Variants in ABTB2 observed in about 807,000 individuals in gnomAD.
ABTB2 encodes the protein ankyrin repeat and BTB domain containing 2.
In ABTB2, 56 loss-of-function variants were observed where a neutral mutation model predicts 104.1. The observed-to-expected ratio is 0.54, with a 90% CI of 0.43 to 0.67. The LOEUF is 0.67. ABTB2 is among the 30% of genes least tolerant of loss of function. The pLI is 0.00. For synonymous variants in ABTB2, 606 were observed against 608.2 expected (o/e 1.00, Z 0.05); for missense variants, 1,279 against 1,407.7 (o/e 0.91, Z 1.46).
intron 1 of ABTB2, among the ~76,000 whole-genome samples, chr11:34,212,716 CTTCTTT>C (rs1853496597): frequency 6.6e-6 from 1 of 152,184 alleles, no homozygotes. Flanking sequence ...CTGTGCTTTC[CTTCTTT>C]TTCTAAGGTC....
intron 2 of ABTB2, among the ~76,000 whole-genome samples, chr11:34,200,689 C>T (rs1853325052): frequency 6.6e-6 from 1 of 152,194 alleles, no homozygotes; most frequent in Non-Finnish European, 1.5e-5. Flanking sequence ...TTTTCAGCCA[C>T]CCTGTGAAGG....
chr11:34,349,798 C>T (rs927157259), intron 1 of ABTB2, among the ~76,000 whole-genome samples: 1 of 152,182 alleles, frequency 6.6e-6, no homozygotes, highest in African/African-American at 2.4e-5. Flanking sequence ...CCCAAGACAA[C>T]CTCATGACAA....
intron 1 of ABTB2, among the ~76,000 whole-genome samples, chr11:34,308,435 G>A (rs1854804517): frequency 6.6e-6 from 1 of 152,206 alleles, no homozygotes; most frequent in South Asian, 2.1e-4. Context: ...AGACTGCAGT[G>A]TGGGGCCATT....
At chr11:34,309,314 G>A (rs1450306962) in intron 1 of ABTB2, among the ~76,000 whole-genome samples, 1 of 152,234 alleles carries the variant, frequency 6.6e-6, no homozygotes, top group Non-Finnish European at 1.5e-5. Flanking sequence ...GATACAGTCA[G>A]CTGGGTTCAG....
At chr11:34,271,734 AATACATACATACATACATAC>A (rs11268199) in intron 1 of ABTB2, among the ~76,000 whole-genome samples, 17,232 of 149,880 alleles carry the variant, frequency 0.11, 1,162 homozygotes, top group Admixed American at 0.21. Context: ...CCCTATCTCA[AATACATACATACATACATAC>A]ATACATACAT....
At chr11:34,343,501 G>A (rs1026850017) in intron 1 of ABTB2, among the ~76,000 whole-genome samples, 2 of 152,000 alleles carry the variant, frequency 1.3e-5, no homozygotes, top group African/African-American at 4.8e-5. Flanking sequence ...TTGAGACAGA[G>A]TCTCGCTCTG....
chr11:34,346,847 G>A (rs186286512), intron 1 of ABTB2, among the ~76,000 whole-genome samples: 81 of 152,256 alleles, frequency 5.3e-4, no homozygotes, highest in Non-Finnish European at 9.6e-4. Flanking sequence ...GCTTGTGCAC[G>A]TACACCCACT....
At chr11:34,276,962 T>C (rs56709002) in intron 1 of ABTB2, among the ~76,000 whole-genome samples, 24,453 of 152,150 alleles carry the variant, frequency 0.16, 2,441 homozygotes, top group African/African-American at 0.26. Flanking sequence ...AGTGCAATGG[T>C]GTGATCCCAG....
chr11:34,273,512 G>T (rs1433520788), intron 1 of ABTB2, among the ~76,000 whole-genome samples: 1 of 152,112 alleles, frequency 6.6e-6, no homozygotes, highest in Non-Finnish European at 1.5e-5. Flanking sequence ...CCAGACAACA[G>T]CATCCCCAGG....
chr11:34,254,144 C>T (rs1338387782), intron 1 of ABTB2, among the ~76,000 whole-genome samples: 6 of 152,190 alleles, frequency 3.9e-5, no homozygotes, highest in Non-Finnish European at 8.8e-5. Context: ...CTCACAACAA[C>T]ACCATAAGGA....
At chr11:34,255,078 A>G (rs916517816) in intron 1 of ABTB2, among the ~76,000 whole-genome samples, 2 of 152,210 alleles carry the variant, frequency 1.3e-5, no homozygotes, top group African/African-American at 2.4e-5. Context: ...CATCCATACC[A>G]TATCATTCAA....
At chr11:34,244,266 G>A (rs561599617) in intron 1 of ABTB2, among the ~76,000 whole-genome samples, 1 of 152,058 alleles carries the variant, frequency 6.6e-6, no homozygotes, top group Non-Finnish European at 1.5e-5. Flanking sequence ...ACACTTAGGA[G>A]ATAAGAAGGC....
At chr11:34,183,429 T>G (rs1853053397) in intron 3 of ABTB2, among the ~76,000 whole-genome samples, 1 of 152,202 alleles carries the variant, frequency 6.6e-6, no homozygotes, top group South Asian at 2.1e-4. Flanking sequence ...AAAAGAGAGC[T>G]ACCGCCAGCA....
chr11:34,243,490 C>T (rs1006554043), intron 1 of ABTB2, among the ~76,000 whole-genome samples: 2 of 152,208 alleles, frequency 1.3e-5, no homozygotes, highest in African/African-American at 4.8e-5. Context: ...CATAACCCTG[C>T]CCCTCCTCCA....
chr11:34,230,482 C>A (rs1853754307), intron 1 of ABTB2, among the ~76,000 whole-genome samples: 1 of 152,084 alleles, frequency 6.6e-6, no homozygotes, highest in Non-Finnish European at 1.5e-5. Flanking sequence ...TAGGGCAGTG[C>A]CTGGAACACA....
chr11:34,208,414 G>A (rs112305240), intron 1 of ABTB2, among the ~76,000 whole-genome samples: 6,870 of 152,172 alleles, frequency 0.045, 209 homozygotes, highest in Middle Eastern at 0.14. Context: ...TAAAAGCCAC[G>A]GAGGGAACCG....
At chr11:34,258,222 C>A (rs1205254734) in intron 1 of ABTB2, among the ~76,000 whole-genome samples, 2 of 152,224 alleles carry the variant, frequency 1.3e-5, no homozygotes, top group Non-Finnish European at 2.9e-5. Flanking sequence ...CTGATCCCAA[C>A]AGTTCTCCAC....
At chr11:34,334,126 C>A (rs1027322260) in intron 1 of ABTB2, among the ~76,000 whole-genome samples, 1 of 152,018 alleles carries the variant, frequency 6.6e-6, no homozygotes, top group African/African-American at 2.4e-5. Flanking sequence ...CCAACCCAAA[C>A]GTTTCCTTCT....
At chr11:34,320,655 A>G (rs1350941187) in intron 1 of ABTB2, among the ~76,000 whole-genome samples, 1 of 152,148 alleles carries the variant, frequency 6.6e-6, no homozygotes, top group Non-Finnish European at 1.5e-5. Context: ...GACTTACCCC[A>G]CAGGCAGGCA....
Sources: allele counts gnomAD v4.1 joint callset (sites outside exome capture counted in the v4.1 genomes callset), GRCh38; gene constraint gnomAD v4.1.1; transcripts MANE v1.5; gene names NCBI Gene and HGNC (gene_info 2026-07-23, HGNC 2026-07-21).